DAPK3: variants seen among roughly 807,000 people sequenced by gnomAD.
DAPK3 encodes the protein death-associated protein kinase 3.
Under a neutral mutation model 30.6 loss-of-function variants are expected in DAPK3, and 24 were observed. The ratio of observed to expected loss-of-function variants is 0.78; its 90% CI spans 0.57 to 1.10. The LOEUF (loss-of-function observed/expected upper bound fraction) is 1.10. Ranked by LOEUF, DAPK3 falls within the 50% of genes least tolerant of loss-of-function variation. The pLI, the probability that DAPK3 is intolerant of heterozygous loss-of-function variation, is 0.00. For missense variants in DAPK3, 629 were observed against 657.3 expected (o/e 0.96, Z 0.47); for synonymous variants, 341 against 284.0 (o/e 1.20, Z -2.02).
At chr19:3,969,646 A>T (rs1282295115) in intron 2 of DAPK3, 28 bp downstream of exon 2, 1 of 1,499,506 alleles carries the variant, frequency 6.7e-7, no homozygotes, top group South Asian at 1.1e-5. Flanking sequence ...CTATCCCTGG[A>T]GCCCAGCCGT....
intron 7 of DAPK3, 97 bp downstream of exon 7, chr19:3,960,912 G>A (rs1226118995): frequency 2.3e-6 from 3 of 1,311,212 alleles, no homozygotes; most frequent in East Asian, 2.4e-5. Flanking sequence ...CCAGCCGCAG[G>A]GAGGTGGCGC....
rs2039464467 is a variant in DAPK3 at position 3,958,502 on chromosome 19, G to A, written c.*599C>T. On this transcript the variant is annotated 3_prime_UTR_variant, in exon 9 of 9. Coordinates refer to ENST00000545797, the MANE Select transcript of DAPK3 (RefSeq NM_001348.3). ...CTCTTGGCTGCAGAGGGCCGCTCTT[G>A]CCTAGGCGTCCACAGGCGCGACGAT... The A allele has an allele frequency of 4.4e-6, 2 of 456,580 alleles. No individual in the cohort carries two copies. The highest frequency in any genetic ancestry group is 8.8e-6 in the Non-Finnish European group (2 of 227,268). The allele number at this position is 456,580 out of a possible 1,614,324, so 28.3% of individuals were successfully genotyped here.
chr19:3,961,040 A>T lies in DAPK3; in HGVS notation c.751T>A (p.Phe251Ile), dbSNP rs1469405529. The change falls in exon 7 of 9, where the codon TTC (phenylalanine) becomes ATC (isoleucine). Residue 251 changes from phenylalanine (F) to isoleucine (I), a missense_variant. Physicochemically the swap from Phe to Ile is conservative, Grantham distance 21 (BLOSUM62 0). Around this residue, in one of 2 missense-constraint regions of DAPK3, gnomAD observed 306 missense variants for 378.5 expected, o/e 0.81. Coordinates refer to ENST00000545797, the MANE Select transcript of DAPK3 (RefSeq NM_001348.3). Reference protein sequence around the residue: ...FSNTSELAKDFIRRLLVKDPK... With the variant: ...FSNTSELAKDIIRRLLVKDPK... ...TCTTTGACGAGCAGCCGGCGAATGA[A>T]GTCCTTGGCCAGCTCGCTGGTGTTG... 6.2e-7 allele frequency: 1 copy of T among 1,613,570 alleles called. No individual in the cohort carries two copies. Among genetic ancestry groups the T allele is most frequent in the African/African-American group, 1.3e-5 (1 of 74,804 alleles).
chr19:3,967,081 G>A (rs776459846), intron 2 of DAPK3, among the ~76,000 whole-genome samples: 12 of 152,182 alleles, frequency 7.9e-5, no homozygotes, highest in Non-Finnish European at 1.3e-4. Flanking sequence ...CTAAGTGCCT[G>A]CCACAACCCA....
rs1476280022 is a variant in DAPK3 at position 3,959,210 on chromosome 19, C to T, written c.1256G>A (p.Arg419His). 1.0e-5 allele frequency: 16 copies of T among 1,600,492 alleles called. No homozygotes were observed. Among genetic ancestry groups the T allele is most frequent in the Non-Finnish European group, 1.4e-5 (16 of 1,177,836 alleles). Residue 419 changes from arginine to histidine, a missense_variant, in exon 9 of 9, where the codon CGC becomes CAC. This residue lies in a region of DAPK3 where 323 missense variants were observed against 278.8 expected (regional missense o/e 1.16). Coordinates refer to ENST00000545797, the MANE Select transcript of DAPK3 (RefSeq NM_001348.3). ...LKRRFSRLEN[R>H]YEALAKQVAS... ...TACTTGCTTGGCCAGCGCCTCGTAGCGGTTCTCCAGGCGGCTGAAGCGGCG... is the reference window on the plus strand; with the variant it reads ...TACTTGCTTGGCCAGCGCCTCGTAGTGGTTCTCCAGGCGGCTGAAGCGGCG...
At chr19:3,965,691 G>A (rs2039571285) in intron 2 of DAPK3, among the ~76,000 whole-genome samples, 1 of 152,052 alleles carries the variant, frequency 6.6e-6, no homozygotes, top group South Asian at 2.1e-4. Flanking sequence ...TTGAGACAGG[G>A]TCTGGCCCTG....
In DAPK3 at chr19:3,959,434, G is replaced by GCGCTGCAGCTCGCGCAGCT; in HGVS notation, c.1031_1032insAGCTGCGCGAGCTGCAGCG (p.Ser345AlafsTer238). Reference sequence around the variant, plus strand: ...CGTCCTCGTGGCAGAGCCGCCGGCTGCGCTGCAGCTCGCGCAGGCCCTCCT... The same window carrying GCGCTGCAGCTCGCGCAGCT: ...CGTCCTCGTGGCAGAGCCGCCGGCTGCGCTGCAGCTCGCGCAGCTCGCTGCAGCTCGCGCAGGCCCTCCT... On this transcript the variant is annotated frameshift_variant, in exon 9 of 9. Transcript: ENST00000545797. LOFTEE classifies it low-confidence loss of function (END_TRUNC). 1 of 1,551,560 alleles carries GCGCTGCAGCTCGCGCAGCT rather than the reference G, an allele frequency of 6.4e-7. No homozygotes were observed. The highest frequency in any genetic ancestry group is 1.2e-5 in the South Asian group (1 of 85,696).
intron 6 of DAPK3, among the ~76,000 whole-genome samples, chr19:3,962,364 C>T (rs2039525605): frequency 6.6e-6 from 1 of 152,264 alleles, no homozygotes; most frequent in Non-Finnish European, 1.5e-5. Context: ...TTTGGGTCCG[C>T]TCACGCACTA....
chr19:3,968,709 C>A (rs534524141), intron 2 of DAPK3, among the ~76,000 whole-genome samples: 2 of 152,266 alleles, frequency 1.3e-5, no homozygotes, highest in East Asian at 3.9e-4. Context: ...CTGCCACTAA[C>A]GAGGAAATTC....
At chr19:3,970,065 A>G (rs2039618458) in intron 1 of DAPK3, 1 of 353,220 alleles carries the variant, frequency 2.8e-6, no homozygotes, top group Admixed American at 4.7e-5. Flanking sequence ...TCACCCCGCA[A>G]AACTCTCTCC....
chr19:3,962,693 C>T (rs991860233), intron 6 of DAPK3, among the ~76,000 whole-genome samples: 2 of 145,304 alleles, frequency 1.4e-5, no homozygotes, highest in Admixed American at 1.5e-4. Flanking sequence ...ATGGGAATCA[C>T]TTGAACCCGG....
chr19:3,967,235 T>C (rs888417008), intron 2 of DAPK3, among the ~76,000 whole-genome samples: 1 of 147,694 alleles, frequency 6.8e-6, no homozygotes, highest in Non-Finnish European at 1.5e-5. Flanking sequence ...CAGATCACGA[T>C]GTCAGGAGTT....
In DAPK3 at chr19:3,964,290, C is replaced by A. The variant is rs945781725; in HGVS notation, c.507G>T (p.Glu169Asp). 8 of 1,613,720 alleles carry A rather than the reference C, an allele frequency of 5.0e-6. No individual in the cohort carries two copies. The African/African-American group carries it at 1.1e-4, about 22-fold the overall frequency. The change falls in exon 4 of 9, where the codon GAG (glutamate) becomes GAT (aspartate). Residue 169 changes from glutamate to aspartate, a missense_variant. Glu to Asp is a conservative substitution (Grantham distance 45). Around this residue, in one of 2 missense-constraint regions of DAPK3, gnomAD observed 306 missense variants for 378.5 expected, o/e 0.81. Coordinates refer to ENST00000545797, the MANE Select transcript of DAPK3 (RefSeq NM_001348.3). ...AGATGTTCTTGAACTCGTTCCCCGC[C>A]TCGATCTTGTGCGCGATGCCGAAGT... is the stretch of plus-strand genomic sequence containing the variant. The part of the protein sequence containing the change: ...LIDFGIAHKI[E>D]AGNEFKNIFG...
rs771292370 is a variant in DAPK3, at chr19:3,959,245, G to A, written c.1221C>T (p.Ser407=). 2.5e-6 allele frequency: 4 copies of A among 1,600,064 alleles called. No individual in the cohort carries two copies. In the Admixed American group the frequency reaches 6.7e-5, roughly 27 times the overall value. Residue 407 remains serine, a synonymous_variant, in exon 9 of 9, where the codon AGC becomes AGT. Transcript: ENST00000545797. The part of the protein sequence containing the change: ...EEAKGALLGT[S]GLKRRFSRLE... Reference sequence around the variant, plus strand: ...GGCGGCTGAAGCGGCGCTTGAGGCCGCTGGTCCCCAGCAGCGCGCCCTTGG... The same window carrying A: ...GGCGGCTGAAGCGGCGCTTGAGGCCACTGGTCCCCAGCAGCGCGCCCTTGG...
chr19:3,959,513 C>G lies in DAPK3; in HGVS notation c.953G>C (p.Ser318Thr). ...KSHSSLPPNN[S>T]YADFERFSKV... The stretch of plus-strand genomic sequence containing the variant: ...GGAGAAGCGCTCGAAGTCGGCGTAG[C>G]TGTTGTTGGGCGGCAAGCTGGAGTG... The change falls in exon 9 of 9, where the codon AGC (serine) becomes ACC (threonine). Residue 318 changes from serine to threonine, a missense_variant. Physicochemically the swap from Ser to Thr is moderately conservative, Grantham distance 58. Around this residue, in one of 2 missense-constraint regions of DAPK3, gnomAD observed 323 missense variants for 278.8 expected, o/e 1.16. Transcript: ENST00000545797. The G allele has an allele frequency of 6.4e-7, 1 of 1,567,308 alleles. No individual in the cohort carries two copies. The highest frequency in any genetic ancestry group is 8.6e-7 in the Non-Finnish European group (1 of 1,164,512).
Position 3,964,970 on chromosome 19 carries a change from CCGCACGAT to C in DAPK3, c.76_83del (p.Ile26GlufsTer75), listed in dbSNP as rs766452313. Reference sequence around the variant, plus strand: ...TGCCCGTGCCCTTCTGCCGGCACTTCCGCACGATCGCAAACTGGCCGCTGGAGGAGGGG... The same window carrying C: ...TGCCCGTGCCCTTCTGCCGGCACTTCCGCAAACTGGCCGCTGGAGGAGGGG... On this transcript the variant is annotated frameshift_variant, in exon 3 of 9. Transcript: ENST00000545797. LOFTEE classifies it high-confidence loss of function. The C allele has an allele frequency of 1.2e-5, 19 of 1,607,544 alleles. No homozygotes were observed. Among genetic ancestry groups the C allele is most frequent in the South Asian group, 2.2e-5 (2 of 90,974 alleles).
chr19:3,969,822 T>TTAGGG lies in DAPK3; in HGVS notation c.-88_-87insCCCTA, dbSNP rs1421572775. The TTAGGG allele has an allele frequency of 2.3e-6, 2 of 865,370 alleles. No individual in the cohort carries two copies. The highest frequency in any genetic ancestry group is 3.9e-6 in the Non-Finnish European group (2 of 516,346). The allele number at this position is 865,370 out of a possible 1,614,324, so 53.6% of individuals were successfully genotyped here. A position where few individuals can be genotyped will look rare whatever the true frequency, so the allele number is the denominator to read the frequency against. On this transcript the variant is annotated 5_prime_UTR_variant, in exon 2 of 9. Transcript: ENST00000545797. ...AGATAGGACCTCAGGAGTCCCCTAA[T>TTAGGG]GGCAACCCTGGAGAAGACAGGGAAA...
rs2039544414 is a variant in DAPK3 at position 3,963,772 on chromosome 19, A to ACCCCAACAGCAGCAAGGCCCCGCTTCAT, written c.602+71_602+98dup. 4.3e-5 allele frequency: 54 copies of ACCCCAACAGCAGCAAGGCCCCGCTTCAT among 1,246,420 alleles called. No individual in the cohort carries two copies. The Admixed American group carries it at 4.8e-4, about 11-fold the overall frequency. The allele number at this position is 1,246,420 out of a possible 1,614,324, so 77.2% of individuals were successfully genotyped here. A position where few individuals can be genotyped will look rare whatever the true frequency, so the allele number is the denominator to read the frequency against. Reference sequence around the variant, plus strand: ...TGTTCTAGGGCAACGGTCCCCCCATACCCCAACAGCAGCAAGGCCCCGCTT... The same window carrying ACCCCAACAGCAGCAAGGCCCCGCTTCAT: ...TGTTCTAGGGCAACGGTCCCCCCATACCCCAACAGCAGCAAGGCCCCGCTTCATCCCCAACAGCAGCAAGGCCCCGCTT... On this transcript the variant is annotated intron_variant, in intron 5 of 8. Coordinates refer to ENST00000545797, the MANE Select transcript of DAPK3 (RefSeq NM_001348.3).
At position 3,961,165 on chromosome 19, in the gene DAPK3, C is replaced by CG; in HGVS notation, c.630-5dup. 6.2e-7 allele frequency: 1 copy of CG among 1,610,036 alleles called. No homozygotes were observed. The highest frequency in any genetic ancestry group is 1.1e-5 in the South Asian group (1 of 90,968). On this transcript the variant is annotated splice_polypyrimidine_tract_variant and splice_region_variant and intron_variant, in intron 6 of 8. Transcript: ENST00000545797. ...GAACGGGGATGCACCGCTCAGGCTGCGAGACAGGCGTGGGGGCTCAGTGGG... is the reference window on the plus strand; with the variant it reads ...GAACGGGGATGCACCGCTCAGGCTGCGGAGACAGGCGTGGGGGCTCAGTGGG...
Sources: gnomAD v4.1 joint callset for allele counts (sites outside exome capture counted in the v4.1 genomes callset) on GRCh38, gnomAD v4.1.1 for gene constraint, gnomAD v4.1.1 regional missense constraint, MANE v1.5 for transcripts, NCBI Gene and HGNC (gene_info 2026-07-23, HGNC 2026-07-21) for gene names.